TOX: variants seen among roughly 807,000 people sequenced by gnomAD.
TOX encodes the protein thymocyte selection-associated high mobility group box protein TOX.
A neutral mutation model predicts 53.7 loss-of-function variants in TOX; 11 were observed. The observed-to-expected ratio is 0.20, with a 90% CI of 0.13 to 0.34. The LOEUF is 0.34. Among genes scored for constraint, TOX ranks in the 10% least tolerant of loss-of-function variants. TOX has a pLI of 1.00. For synonymous variants in TOX, 225 were observed against 245.3 expected (o/e 0.92, Z 0.77); for missense variants, 570 against 664.6 (o/e 0.86, Z 1.56).
At chr8:59,068,170 C>T (rs1804128518) in intron 1 of TOX, among the ~76,000 whole-genome samples, 2 of 152,066 alleles carry the variant, frequency 1.3e-5, no homozygotes, top group African/African-American at 4.8e-5. Flanking sequence ...CCTGAAGATC[C>T]TTGTATTTTA....
In TOX at chr8:58,949,858, T is replaced by G. The variant is rs905353718; in HGVS notation, c.168+10085A>C. ...ATATATATATTTTTATATGTGTATATTTCATATACACATATAATATACAAT... is the reference window on the plus strand; with the variant it reads ...ATATATATATTTTTATATGTGTATAGTTCATATACACATATAATATACAAT... On this transcript the variant is annotated intron_variant, in intron 2 of 8. Coordinates refer to ENST00000361421, the MANE Select transcript of TOX (RefSeq NM_014729.3). Among the ~76,000 whole-genome samples, 38 of 150,370 alleles carry G rather than the reference T, an allele frequency of 2.5e-4. 1 individual carries two copies. Among genetic ancestry groups the G allele is most frequent in the East Asian group, 1.6e-3 (8 of 5,132 alleles).
At chr8:58,865,904 G>T (rs1341040706) in intron 3 of TOX, among the ~76,000 whole-genome samples, 2 of 121,128 alleles carry the variant, frequency 1.7e-5, no homozygotes, top group Non-Finnish European at 3.2e-5. Context: ...GCACGATCTT[G>T]GCTCACTGCA....
chr8:58,889,229 A>ACC (rs1164774280), intron 3 of TOX, among the ~76,000 whole-genome samples: 2 of 142,074 alleles, frequency 1.4e-5, no homozygotes, highest in Non-Finnish European at 3.0e-5. Context: ...AAAAAAAAAA[A>ACC]AAACAAAAAA....
rs1438467814 is a variant in TOX at position 58,851,177 on chromosome 8, TCTCTCTCTCA to T, written c.693+337_693+346del. Among the ~76,000 whole-genome samples the T allele has an allele frequency of 7.6e-3, 1,109 of 146,856 alleles. 10 individuals carry two copies. Among genetic ancestry groups the T allele is most frequent in the African/African-American group, 0.027 (1,054 of 38,780 alleles). ...CTCTCTGTCTCTCTCTCTCTCTCTCTCTCTCTCTCACACACACACACACACACACACACAC... is the reference window on the plus strand; with the variant it reads ...CTCTCTGTCTCTCTCTCTCTCTCTCTCACACACACACACACACACACACAC... On this transcript the variant is annotated intron_variant, in intron 4 of 8. Coordinates refer to ENST00000361421, the MANE Select transcript of TOX (RefSeq NM_014729.3). This position sits in a 1 kb window ranked among gnomAD's most constrained non-coding sequence, Gnocchi z 4.4.
chr8:59,109,548 T>A (rs1259290537), intron 1 of TOX, among the ~76,000 whole-genome samples: 1 of 152,156 alleles, frequency 6.6e-6, no homozygotes, highest in Non-Finnish European at 1.5e-5. Context: ...ACAGCAGCTG[T>A]ACCTGAACTG....
intron 3 of TOX, among the ~76,000 whole-genome samples, chr8:58,922,418 C>T (rs1812089125): frequency 6.6e-6 from 1 of 152,216 alleles, no homozygotes. Context: ...ACTCCTCCAC[C>T]TGCTTCTATG....
intron 3 of TOX, among the ~76,000 whole-genome samples, chr8:58,907,656 C>T (rs1186681772): frequency 2.6e-5 from 4 of 152,084 alleles, no homozygotes; most frequent in African/African-American, 9.7e-5. Flanking sequence ...AGCATGAAGG[C>T]ACATACAATT....
chr8:58,815,286 C>T (rs1172755002), intron 7 of TOX, 52 bp downstream of exon 7: 4 of 1,524,480 alleles, frequency 2.6e-6, no homozygotes, highest in African/African-American at 1.4e-5. Flanking sequence ...ACCTCCACCA[C>T]CACACTTCAG....
chr8:58,884,579 T>C (rs766267624), intron 3 of TOX, among the ~76,000 whole-genome samples: 6 of 152,170 alleles, frequency 3.9e-5, no homozygotes, highest in Non-Finnish European at 7.4e-5. Context: ...CTGGTGCTTC[T>C]ACCCAAATTG....
At chr8:59,034,455 C>T (rs1429780952) in intron 1 of TOX, among the ~76,000 whole-genome samples, 2 of 152,008 alleles carry the variant, frequency 1.3e-5, no homozygotes, top group Admixed American at 6.5e-5. Flanking sequence ...TCCACCCCCA[C>T]GAAGAGCAAT....
chr8:59,037,003 G>A (rs777179587), intron 1 of TOX, among the ~76,000 whole-genome samples: 1 of 152,136 alleles, frequency 6.6e-6, no homozygotes. Flanking sequence ...ATATGACCTG[G>A]AATGCGTGTC....
At chr8:58,908,088 T>A (rs1326592688) in intron 3 of TOX, among the ~76,000 whole-genome samples, 1 of 152,166 alleles carries the variant, frequency 6.6e-6, no homozygotes, top group Admixed American at 6.5e-5. Context: ...GCTCTCTCTC[T>A]GCCTTTCCCA....
intron 1 of TOX, among the ~76,000 whole-genome samples, chr8:58,965,959 CTT>C (rs1812892117): frequency 9.0e-6 from 1 of 111,450 alleles, no homozygotes; most frequent in Non-Finnish European, 1.7e-5. Context: ...GCAATGAAGA[CTT>C]TGTTGTTTCC....
chr8:58,826,299 A>G (rs1445615190), intron 6 of TOX, among the ~76,000 whole-genome samples: 1 of 152,192 alleles, frequency 6.6e-6, no homozygotes, highest in Non-Finnish European at 1.5e-5. Context: ...CATGAAACCA[A>G]TCAGTCAACT....
At chr8:59,116,852 A>G (rs543622968) in intron 1 of TOX, among the ~76,000 whole-genome samples, 39 of 152,368 alleles carry the variant, frequency 2.6e-4, no homozygotes, top group Admixed American at 7.2e-4. Context: ...AGGAACTTCA[A>G]TGAGCTAGTA....
chr8:58,978,256 A>G (rs758516413), intron 1 of TOX, among the ~76,000 whole-genome samples: 4 of 152,180 alleles, frequency 2.6e-5, no homozygotes, highest in Non-Finnish European at 4.4e-5. Flanking sequence ...CAGATTAATA[A>G]CCTTGAGAAA....
At chr8:58,900,842 G>A (rs1295950147) in intron 3 of TOX, among the ~76,000 whole-genome samples, 2 of 152,088 alleles carry the variant, frequency 1.3e-5, no homozygotes, top group African/African-American at 4.8e-5. Flanking sequence ...TGTATAGTTG[G>A]TAGAGGTTTT....
At chr8:58,971,971 G>T (rs1055381449) in intron 1 of TOX, among the ~76,000 whole-genome samples, 1 of 152,150 alleles carries the variant, frequency 6.6e-6, no homozygotes, top group Non-Finnish European at 1.5e-5. Flanking sequence ...GATTACAGGC[G>T]TGAGCCACCA....
Position 58,864,946 on chromosome 8 carries a change from C to G in TOX, c.412-13141G>C, listed in dbSNP as rs1435323855. 5.3e-5 allele frequency among the ~76,000 whole-genome samples: 8 copies of G among 152,256 alleles called. No individual in the cohort carries two copies. The East Asian group carries it at 1.5e-3, about 29-fold the overall frequency. ...TTCCTTTCACTTTAACAGTGAAAGA[C>G]TAAATGGATGCTTGATGGGTTTATG... On this transcript the variant is annotated intron_variant, in intron 3 of 8. Transcript: ENST00000361421.
Sources: allele counts gnomAD v4.1 joint callset (sites outside exome capture counted in the v4.1 genomes callset), GRCh38; gene constraint gnomAD v4.1.1; non-coding constraint Gnocchi (gnomAD v3.1); transcripts MANE v1.5; gene names NCBI Gene and HGNC (gene_info 2026-07-23, HGNC 2026-07-21).